UBR3: variants seen among roughly 807,000 people sequenced by gnomAD.
UBR3 encodes the protein ubiquitin protein ligase E3 component n-recognin 3.
A neutral mutation model predicts 243.2 loss-of-function variants in UBR3; 85 were observed. The ratio of observed to expected loss-of-function variants is 0.35; its 90% CI spans 0.29 to 0.42. The LOEUF (loss-of-function observed/expected upper bound fraction) is 0.42. UBR3 is among the 10% of genes least tolerant of loss of function. The probability of loss-of-function intolerance (pLI) is 1.00; values close to 1 mark genes in which losing one functional copy is unlikely to be tolerated. For synonymous variants in UBR3, 748 were observed against 799.8 expected, an observed-to-expected ratio of 0.94 and a Z score of 1.09; for missense variants, 1,686 against 2,300.8, an observed-to-expected ratio of 0.73 and a Z score of 5.47.
At chr2:169,837,737 C>G (rs2082155514) in intron 1 of UBR3, among the ~76,000 whole-genome samples, 1 of 152,186 alleles carries the variant, frequency 6.6e-6, no homozygotes, top group African/African-American at 2.4e-5. Flanking sequence ...CAGTTACCTC[C>G]ACCTCATCCC....
At chr2:170,070,729 A>G (rs921792818) in intron 35 of UBR3, among the ~76,000 whole-genome samples, 1 of 152,138 alleles carries the variant, frequency 6.6e-6, no homozygotes, top group African/African-American at 2.4e-5. Context: ...TCAAATTACA[A>G]TGGGGTGATG....
Position 169,872,326 on chromosome 2 carries a change from A to T in UBR3, c.636A>T (p.Arg212Ser). 6.6e-7 allele frequency: 1 copy of T among 1,523,788 alleles called. No individual in the cohort carries two copies. The highest frequency in any genetic ancestry group is 2.5e-5 in the East Asian group (1 of 40,320). 94.4% of individuals were successfully genotyped at this position (1,523,788 alleles called of 1,614,324 possible). The change falls in exon 2 of 39, where the codon AGA becomes AGT. Residue 212 changes from arginine (R) to serine (S), a missense_variant. Physicochemically the swap from Arg to Ser is moderately radical, Grantham distance 110. Transcript: ENST00000272793. ...LLMMSEFVLPRFIFCLIQYLR... is the reference protein window; with the variant it reads ...LLMMSEFVLPSFIFCLIQYLR... Reference sequence around the variant, plus strand: ...TGATGTCTGAATTTGTTCTTCCAAGATTTATATTTTGTCTTATTCAGTACT... The same window carrying T: ...TGATGTCTGAATTTGTTCTTCCAAGTTTTATATTTTGTCTTATTCAGTACT...
At position 169,877,646 on chromosome 2, in the gene UBR3, A is replaced by C; in HGVS notation, c.988+9A>C. 2.0e-6 allele frequency: 3 copies of C among 1,534,736 alleles called. No individual in the cohort carries two copies. Among genetic ancestry groups the C allele is most frequent in the Non-Finnish European group, 2.6e-6 (3 of 1,143,340 alleles). ...TTCTCTGGCTGTTCAAGGTTTGTCT[A>C]AATATTTAATTTGAACAGTTGTAAC... On this transcript the variant is annotated intron_variant, in intron 4 of 38. Transcript: ENST00000272793.
At position 169,988,848 on chromosome 2, in the gene UBR3, G is replaced by A. The variant is rs1374369897; in HGVS notation, c.3784+2054G>A. On this transcript the variant is annotated intron_variant, in intron 25 of 38. Transcript: ENST00000272793. ...TGACATTAAAGAGTATTAAAACTCA[G>A]GAATAATTTTAGTATAATAGGTGAA... Among the ~76,000 whole-genome samples the A allele has an allele frequency of 5.9e-5, 9 of 152,042 alleles. 1 individual carries two copies.
chr2:169,866,652 C>A (rs1391336963), intron 1 of UBR3, among the ~76,000 whole-genome samples: 1 of 152,108 alleles, frequency 6.6e-6, no homozygotes, highest in East Asian at 1.9e-4. Flanking sequence ...TGTGAGCAAC[C>A]GTGCCCGGAC....
At chr2:170,042,284 G>A (rs987304411) in intron 32 of UBR3, among the ~76,000 whole-genome samples, 5 of 151,846 alleles carry the variant, frequency 3.3e-5, no homozygotes, top group Admixed American at 2.6e-4. Context: ...TCCATGTTAT[G>A]GCATGTATCA....
chr2:169,861,307 G>C (rs773140702), intron 1 of UBR3, among the ~76,000 whole-genome samples: 4 of 152,016 alleles, frequency 2.6e-5, no homozygotes, highest in African/African-American at 7.2e-5. Context: ...TTTCCTACTC[G>C]TCTTTTCAAA....
At chr2:169,888,376 T>G (rs999957182) in intron 5 of UBR3, among the ~76,000 whole-genome samples, 2 of 151,916 alleles carry the variant, frequency 1.3e-5, no homozygotes, top group African/African-American at 4.8e-5. Flanking sequence ...TGACCTCAGG[T>G]GATCCACCCA....
chr2:170,068,857 A>C (rs540327417), intron 35 of UBR3, among the ~76,000 whole-genome samples: 2 of 152,352 alleles, frequency 1.3e-5, no homozygotes, highest in East Asian at 3.9e-4. Context: ...TTGACAACTT[A>C]GATAAAATGG....
At chr2:169,889,673 G>A (rs951644734) in intron 5 of UBR3, among the ~76,000 whole-genome samples, 82 of 152,310 alleles carry the variant, frequency 5.4e-4, no homozygotes, top group African/African-American at 1.8e-3. Context: ...CAAAGGTGGA[G>A]ATTAACAGGG....
At chr2:169,945,586 T>C (rs76353441) in intron 20 of UBR3, among the ~76,000 whole-genome samples, 2 of 152,326 alleles carry the variant, frequency 1.3e-5, no homozygotes, top group African/African-American at 2.4e-5. Flanking sequence ...ATCCTTTCCA[T>C]CATTTGGCCA....
chr2:170,013,656 A>G (rs1177794320), intron 29 of UBR3, among the ~76,000 whole-genome samples: 1 of 152,118 alleles, frequency 6.6e-6, no homozygotes, highest in Non-Finnish European at 1.5e-5. Context: ...GGGGATTGAG[A>G]AAACAGAATT....
intron 27 of UBR3, among the ~76,000 whole-genome samples, chr2:170,006,305 C>T (rs950311569): frequency 2.0e-5 from 3 of 152,138 alleles, no homozygotes; most frequent in Admixed American, 6.5e-5. Context: ...TATCACCTTG[C>T]ACAGCATTTA....
At chr2:169,859,898 T>C (rs2083028741) in intron 1 of UBR3, among the ~76,000 whole-genome samples, 1 of 152,020 alleles carries the variant, frequency 6.6e-6, no homozygotes, top group Admixed American at 6.6e-5. Flanking sequence ...TGTATTTTTT[T>C]AGTGGAGACG....
chr2:169,912,567 AT>A (rs1339879569), intron 10 of UBR3, among the ~76,000 whole-genome samples: 2 of 152,130 alleles, frequency 1.3e-5, no homozygotes, highest in African/African-American at 4.8e-5. Context: ...CTAATATTTC[AT>A]TGTATGGATA....
At chr2:169,927,546 G>T in intron 17 of UBR3, 141 bp downstream of exon 17, 4 of 594,750 alleles carry the variant, frequency 6.7e-6, no homozygotes, top group South Asian at 3.0e-5. Flanking sequence ...CCAGTTGTGT[G>T]CTCAAGTATG....
At chr2:170,055,374 T>C in intron 32 of UBR3, 86 bp from the exon 33 acceptor site, 4 of 1,477,396 alleles carry the variant, frequency 2.7e-6, no homozygotes, top group Non-Finnish European at 3.7e-6. Flanking sequence ...CAATTACATA[T>C]GCAAGGAAAG....
At chr2:169,831,569 T>C (rs1419664575) in intron 1 of UBR3, among the ~76,000 whole-genome samples, 1 of 152,204 alleles carries the variant, frequency 6.6e-6, no homozygotes, top group Non-Finnish European at 1.5e-5. Flanking sequence ...ATAAACAGTA[T>C]TGTGGCCATG....
At chr2:169,884,179 G>A (rs1377312372) in intron 5 of UBR3, among the ~76,000 whole-genome samples, 22 of 134,518 alleles carry the variant, frequency 1.6e-4, no homozygotes, top group African/African-American at 4.8e-4. Flanking sequence ...TTTTTGAGAC[G>A]GAGTCTTGCA....
Sources: allele counts gnomAD v4.1 joint callset (sites outside exome capture counted in the v4.1 genomes callset), GRCh38; gene constraint gnomAD v4.1.1; transcripts MANE v1.5; gene names NCBI Gene and HGNC (gene_info 2026-07-23, HGNC 2026-07-21).